Variants in CSAG1 observed in about 807,000 individuals in gnomAD.
The protein encoded by CSAG1 is chondrosarcoma associated gene 1, also known as chondrosarcoma-associated gene 1 protein.
CSAG1 carries 4 observed loss-of-function variants against 4.8 expected under a neutral mutation model. The ratio of observed to expected loss-of-function variants is 0.83; its 90% CI spans 0.41 to 1.90. CSAG1 has a LOEUF of 1.90. Among genes scored for constraint, CSAG1 ranks in the 40% most tolerant of loss-of-function variants. The probability of loss-of-function intolerance (pLI) is 0.03; values close to 1 mark genes in which losing one functional copy is unlikely to be tolerated. For synonymous variants in CSAG1, 21 were observed against 23.1 expected, an observed-to-expected ratio of 0.91 and a Z score of 0.26; for missense variants, 69 against 59.5, an observed-to-expected ratio of 1.16 and a Z score of -0.53.
chrX:152,727,799 G>GA lies in CSAG1; in HGVS notation c.231dup (p.Pro78SerfsTer11). The GA allele has an allele frequency of 8.3e-7, 1 of 1,210,864 alleles. No homozygotes were observed. ...TTTTTTGAAGCGGTGGTCTTTTAGG[G>GA]AGAGCCTTTTGTTCCTGGAACTTCC... On this transcript the variant is annotated frameshift_variant, in exon 4 of 4. Transcript: ENST00000452779. LOFTEE classifies it high-confidence loss of function.
intron 2 of CSAG1, among the ~76,000 whole-genome samples, chrX:152,729,197 T>A (rs1932098231): frequency 9.0e-6 from 1 of 111,378 alleles, no homozygotes; most frequent in African/African-American, 3.3e-5. Flanking sequence ...GGACATATCC[T>A]TACATATTCC....
intron 3 of CSAG1, 63 bp downstream of exon 3, chrX:152,728,011 T>C: frequency 8.3e-7 from 1 of 1,210,600 alleles, no homozygotes; most frequent in Non-Finnish European, 1.1e-6. Flanking sequence ...AGAGCTTGGG[T>C]GGGCCATTCA....
Position 152,727,506 on chromosome X carries a change from T to C in CSAG1, c.*288A>G, listed in dbSNP as rs1556830382. 4.2e-5 allele frequency: 16 copies of C among 383,715 alleles called. No homozygotes were observed. Among genetic ancestry groups the C allele is most frequent in the African/African-American group, 2.8e-4 (11 of 39,140 alleles). 31.6% of individuals were successfully genotyped at this position (383,715 alleles called of 1,213,427 possible). A position where few individuals can be genotyped will look rare whatever the true frequency, so the allele number is the denominator to read the frequency against. On this transcript the variant is annotated 3_prime_UTR_variant, in exon 4 of 4. Coordinates refer to ENST00000452779, the MANE Select transcript of CSAG1 (RefSeq NM_001102576.3). Reference sequence around the variant, plus strand: ...ACATCATTTTACAACATGTTCATTTTATTTCCATCACCATGGGGCATACCC... The same window carrying C: ...ACATCATTTTACAACATGTTCATTTCATTTCCATCACCATGGGGCATACCC...
intron 2 of CSAG1, among the ~76,000 whole-genome samples, chrX:152,728,697 C>T (rs369968365): frequency 3.6e-5 from 4 of 112,117 alleles, no homozygotes; most frequent in African/African-American, 6.5e-5. Context: ...CTGGAAGTCC[C>T]AGATCAAGGA....
intron 2 of CSAG1, among the ~76,000 whole-genome samples, chrX:152,729,474 A>G (rs1173395786): frequency 8.9e-6 from 1 of 112,544 alleles, no homozygotes; most frequent in Non-Finnish European, 1.9e-5. Flanking sequence ...CACATATGTG[A>G]TAAAGAACTT....
chrX:152,733,581 C>T (rs1428132663), intron 1 of CSAG1, 87 bp downstream of exon 1: 2 of 99,183 alleles, frequency 2.0e-5, no homozygotes, highest in Non-Finnish European at 4.1e-5. Flanking sequence ...CTCCCACCCC[C>T]AACTCCCCCA....
intron 1 of CSAG1, 49 bp from the exon 2 acceptor site, chrX:152,732,553 A>G (rs1932182366): frequency 8.4e-7 from 1 of 1,189,834 alleles, no homozygotes; most frequent in Admixed American, 2.2e-5. Flanking sequence ...AGTATTAGCA[A>G]GAAAATCTAC....
intron 2 of CSAG1, among the ~76,000 whole-genome samples, chrX:152,730,696 C>G (rs1932138557): frequency 8.9e-6 from 1 of 112,386 alleles, no homozygotes; most frequent in Non-Finnish European, 1.9e-5. Context: ...CCCAAACGGA[C>G]TAAGACAATG....
Position 152,728,141 on chromosome X carries a change from C to A in CSAG1, c.100G>T (p.Val34Leu). 8.3e-7 allele frequency: 1 copy of A among 1,211,364 alleles called. No individual in the cohort carries two copies. The highest frequency in any genetic ancestry group is 1.1e-6 in the Non-Finnish European group (1 of 895,289). The change falls in exon 3 of 4, where the codon GTG becomes TTG. Residue 34 changes from valine to leucine, a missense_variant. Transcript: ENST00000452779. The part of the protein sequence containing the change: ...WSRLYRDTGL[V>L]KMSRKPRASS... ...GCTCGTGGTTTCCTGGACATCTTCA[C>A]CAGACCAGTGTCTCTGTACAGTCTA... is the stretch of plus-strand genomic sequence containing the variant.
At chrX:152,732,863 A>G (rs1412621472) in intron 1 of CSAG1, among the ~76,000 whole-genome samples, 1 of 111,979 alleles carries the variant, frequency 8.9e-6, no homozygotes, top group Non-Finnish European at 1.9e-5. Context: ...TGCTAATAAC[A>G]ACCTGAAACC....
intron 2 of CSAG1, among the ~76,000 whole-genome samples, chrX:152,730,408 T>C (rs1404628008): frequency 9.0e-6 from 1 of 111,527 alleles, no homozygotes; most frequent in Non-Finnish European, 1.9e-5. Context: ...TGGTATTAGG[T>C]AGAAGGTGGG....
At chrX:152,729,992 T>TTATATATATA (rs61137896) in intron 2 of CSAG1, among the ~76,000 whole-genome samples, 1,129 of 64,617 alleles carry the variant, frequency 0.017, 52 homozygotes, top group African/African-American at 0.058. Flanking sequence ...GGTGAATGGA[T>TTATATATATA]TATATATATA....
In CSAG1 at chrX:152,727,718, C is replaced by A. The variant is rs1439384894; in HGVS notation, c.*76G>T. ...TGCTATGGCGCATTTTGATTGAGTTCCTCGTTCGGCTGGTCAGAGTGGCTG... is the reference window on the plus strand; with the variant it reads ...TGCTATGGCGCATTTTGATTGAGTTACTCGTTCGGCTGGTCAGAGTGGCTG... On this transcript the variant is annotated 3_prime_UTR_variant, in exon 4 of 4. Coordinates refer to ENST00000452779, the MANE Select transcript of CSAG1 (RefSeq NM_001102576.3). 8.8e-7 allele frequency: 1 copy of A among 1,136,189 alleles called. No individual in the cohort carries two copies. Among genetic ancestry groups the A allele is most frequent in the Non-Finnish European group, 1.2e-6 (1 of 828,382 alleles). 93.6% of individuals were successfully genotyped at this position (1,136,189 alleles called of 1,213,427 possible).
chrX:152,728,876 T>C (rs1454541216), intron 2 of CSAG1, among the ~76,000 whole-genome samples: 1 of 111,834 alleles, frequency 8.9e-6, no homozygotes. Context: ...TCCCTTCTTA[T>C]AACCACACTA....
chrX:152,727,902 T>C (rs1556830631), intron 3 of CSAG1, 39 bp from the exon 4 acceptor site: 15 of 1,197,389 alleles, frequency 1.3e-5, no homozygotes, highest in Non-Finnish European at 1.5e-5. Flanking sequence ...GGGCACTGGT[T>C]TGGGGAAGAG....
intron 2 of CSAG1, 22 bp from the exon 3 acceptor site, chrX:152,728,246 T>C: frequency 8.4e-7 from 1 of 1,192,803 alleles, no homozygotes; most frequent in Non-Finnish European, 1.1e-6. Flanking sequence ...CACGACATTA[T>C]TATGTTAGTC....
At chrX:152,731,329 T>G (rs1224452549) in intron 2 of CSAG1, among the ~76,000 whole-genome samples, 1 of 112,101 alleles carries the variant, frequency 8.9e-6, no homozygotes, top group Non-Finnish European at 1.9e-5. Context: ...TTCATAGAAA[T>G]AAAATACATC....
At chrX:152,733,505 C>T (rs1241172136) in intron 1 of CSAG1, among the ~76,000 whole-genome samples, 163 bp downstream of exon 1, 1 of 110,972 alleles carries the variant, frequency 9.0e-6, no homozygotes, top group African/African-American at 3.3e-5. Flanking sequence ...ACACAATCGG[C>T]AGAGGATGGC....
chrX:152,729,512 A>G (rs2124965190), intron 2 of CSAG1, among the ~76,000 whole-genome samples: 1 of 112,500 alleles, frequency 8.9e-6, no homozygotes, highest in African/African-American at 3.2e-5. Context: ...GAATTCTTAA[A>G]GCTCAGCGAT....
Sources: allele counts gnomAD v4.1 joint callset (sites outside exome capture counted in the v4.1 genomes callset), GRCh38; gene constraint gnomAD v4.1.1; transcripts MANE v1.5; gene names NCBI Gene and HGNC (gene_info 2026-07-23, HGNC 2026-07-21).